CDC23: variants seen among roughly 807,000 people sequenced by gnomAD.
CDC23 encodes cell division cycle protein 23 homolog.
Under a neutral mutation model 81.7 loss-of-function variants are expected in CDC23, and 26 were observed. That is an observed-to-expected ratio of 0.32 (90% CI 0.23 to 0.44). The LOEUF (loss-of-function observed/expected upper bound fraction) is 0.44, where lower values mean the gene tolerates loss of function less well. Among genes scored for constraint, CDC23 ranks in the 20% least tolerant of loss-of-function variants. CDC23 has a pLI of 1.00. For missense variants in CDC23, 519 were observed against 728.0 expected (o/e 0.71, Z 3.30); for synonymous variants, 267 against 270.8 (o/e 0.99, Z 0.14).
intron 15 of CDC23, 143 bp from the exon 16 acceptor site, chr5:138,189,291 G>C (rs1332706826): frequency 9.7e-6 from 7 of 720,824 alleles, no homozygotes; most frequent in Non-Finnish European, 1.4e-5. Flanking sequence ...GAGTCTCACT[G>C]TGTCACCCAG....
chr5:138,208,788 C>T (rs1755080681), intron 2 of CDC23, among the ~76,000 whole-genome samples: 1 of 152,126 alleles, frequency 6.6e-6, no homozygotes, highest in Non-Finnish European at 1.5e-5. Flanking sequence ...TAGCATTTGG[C>T]TGAGTTTTGT....
At chr5:138,198,369 A>C (rs1296448843) in intron 8 of CDC23, 57 bp downstream of exon 8, 1 of 1,586,720 alleles carries the variant, frequency 6.3e-7, no homozygotes, top group Non-Finnish European at 8.6e-7. Context: ...GTGACAATCC[A>C]ACCCAGATTA....
At chr5:138,194,857 G>A (rs1178032427) in intron 9 of CDC23, among the ~76,000 whole-genome samples, 1 of 151,536 alleles carries the variant, frequency 6.6e-6, no homozygotes, top group African/African-American at 2.4e-5. Context: ...GAGTAGCTGG[G>A]ATTACAGGTA....
chr5:138,206,450 G>A, intron 3 of CDC23, 97 bp downstream of exon 3: 1 of 1,163,294 alleles, frequency 8.6e-7, no homozygotes, highest in Non-Finnish European at 1.3e-6. Context: ...TCATTCAGTG[G>A]CCCACTGCTA....
At chr5:138,212,763 G>A (rs1225960193) in intron 2 of CDC23, among the ~76,000 whole-genome samples, 3 of 151,608 alleles carry the variant, frequency 2.0e-5, no homozygotes, top group African/African-American at 7.3e-5. Context: ...AGCAGTAATT[G>A]TTTACTAATT....
Position 138,192,521 on chromosome 5 carries a change from A to C in CDC23, c.1149T>G (p.Ala383=). Residue 383 remains alanine (A), a synonymous_variant, in exon 10 of 16, where the codon GCT becomes GCG. Coordinates refer to ENST00000394886, the MANE Select transcript of CDC23 (RefSeq NM_004661.4). ...ATAATCACCTATAAGCCTGGATAGC[A>C]GCAGACGTGTTCTTCATCTCCATGT... The part of the protein sequence containing the change: ...HEYMEMKNTS[A]AIQAYRHAIE... 1 of 1,614,138 alleles carries C rather than the reference A, an allele frequency of 6.2e-7. No individual in the cohort carries two copies.
chr5:138,198,507 G>C lies in CDC23; in HGVS notation c.849C>G (p.Leu283=). 1.2e-6 allele frequency: 2 copies of C among 1,614,104 alleles called. No individual in the cohort carries two copies. Among genetic ancestry groups the C allele is most frequent in the Non-Finnish European group, 1.7e-6 (2 of 1,179,982 alleles). The change falls in exon 8 of 16, where the codon CTC becomes CTG. Residue 283 remains leucine (L), a synonymous_variant. Coordinates refer to ENST00000394886, the MANE Select transcript of CDC23 (RefSeq NM_004661.4). The stretch of plus-strand genomic sequence containing the variant: ...GTTTCCTTAGCTCATTAAAAATGGA[G>C]AGGGCTTTGTCAATATCTGCAGAAA... ...YHNIRDIDKA[L]SIFNELRKQD... is the part of the protein sequence containing the mutation.
chr5:138,195,321 C>G (rs568779302), intron 9 of CDC23, among the ~76,000 whole-genome samples: 1 of 150,102 alleles, frequency 6.7e-6, no homozygotes, highest in Non-Finnish European at 1.5e-5. Context: ...ATGGGCCAGG[C>G]GCAGTGGCTC....
At chr5:138,212,663 C>T (rs1462514873) in intron 2 of CDC23, among the ~76,000 whole-genome samples, 1 of 152,062 alleles carries the variant, frequency 6.6e-6, no homozygotes, top group Non-Finnish European at 1.5e-5. Context: ...TATGAGATAT[C>T]CTTATAATAA....
chr5:138,195,626 T>C (rs1754884029), intron 9 of CDC23, among the ~76,000 whole-genome samples: 1 of 117,556 alleles, frequency 8.5e-6, no homozygotes, highest in Non-Finnish European at 1.7e-5. Flanking sequence ...TATATAAATA[T>C]AAATATATAT....
Position 138,201,392 on chromosome 5 carries a change from G to A in CDC23, c.472C>T (p.Leu158Phe). 6.2e-7 allele frequency: 1 copy of A among 1,614,070 alleles called. No individual in the cohort carries two copies. Among genetic ancestry groups the A allele is most frequent in the Admixed American group, 1.7e-5 (1 of 60,006 alleles). ...TCTCGAGCTTGGTGTTTTTTGCTGAGCTCCACTCTCAATTCTCTAAGCGCC... is the reference window on the plus strand; with the variant it reads ...TCTCGAGCTTGGTGTTTTTTGCTGAACTCCACTCTCAATTCTCTAAGCGCC... ...NEALRELRVE[L>F]SKKHQARELD... Residue 158 changes from leucine (L) to phenylalanine (F), a missense_variant, in exon 5 of 16, where the codon CTC becomes TTC. This residue lies in a region of CDC23 where 180 missense variants were observed against 239.3 expected (regional missense o/e 0.75). Transcript: ENST00000394886.
At chr5:138,208,902 C>T (rs2126590092) in intron 2 of CDC23, among the ~76,000 whole-genome samples, 1 of 152,264 alleles carries the variant, frequency 6.6e-6, no homozygotes, top group Non-Finnish European at 1.5e-5. Context: ...GATCCTCCTC[C>T]CACCTCAGCC....
intron 9 of CDC23, among the ~76,000 whole-genome samples, chr5:138,194,514 A>C (rs1754861824): frequency 1.3e-5 from 2 of 152,202 alleles, no homozygotes; most frequent in Admixed American, 1.3e-4. Flanking sequence ...AACTATAAAG[A>C]AGCAAAGCAG....
intron 2 of CDC23, among the ~76,000 whole-genome samples, chr5:138,209,350 C>T (rs1264900364): frequency 6.6e-6 from 1 of 150,900 alleles, no homozygotes; most frequent in Non-Finnish European, 1.5e-5. Context: ...ATCACTTGAA[C>T]CTGGGAGGTG....
chr5:138,192,170 CA>C, intron 11 of CDC23, 98 bp downstream of exon 11: 1 of 1,484,992 alleles, frequency 6.7e-7, no homozygotes, highest in Non-Finnish European at 9.2e-7. Context: ...CCCCAAGAGC[CA>C]AAACCATCCA....
chr5:138,207,247 G>T (rs927465723), intron 2 of CDC23, among the ~76,000 whole-genome samples: 1 of 152,062 alleles, frequency 6.6e-6, no homozygotes, highest in African/African-American at 2.4e-5. Context: ...AAAACTAAAC[G>T]AACACTCATA....
At chr5:138,195,697 A>G (rs1289434102) in intron 9 of CDC23, among the ~76,000 whole-genome samples, 3 of 112,476 alleles carry the variant, frequency 2.7e-5, no homozygotes, top group Non-Finnish European at 5.2e-5. Context: ...TATAATATAT[A>G]TGCATATATA....
At chr5:138,209,430 A>AAAAGAAAAG (rs1554107754) in intron 2 of CDC23, among the ~76,000 whole-genome samples, 2 of 151,078 alleles carry the variant, frequency 1.3e-5, no homozygotes, top group African/African-American at 4.9e-5. Context: ...TCAAAAAAAA[A>AAAAGAAAAG]AAAAGAAAAG....
intron 2 of CDC23, 72 bp from the exon 3 acceptor site, chr5:138,206,756 C>G (rs141371716): frequency 7.0e-7 from 1 of 1,423,098 alleles, no homozygotes; most frequent in Non-Finnish European, 9.6e-7. Context: ...AAAGTATATT[C>G]GTTAATTTCA....
Sources: allele counts gnomAD v4.1 joint callset (sites outside exome capture counted in the v4.1 genomes callset), GRCh38; gene constraint gnomAD v4.1.1; regional missense constraint gnomAD v4.1.1; transcripts MANE v1.5; gene names NCBI Gene and HGNC (gene_info 2026-07-23, HGNC 2026-07-21).